Variants in HSP90AA1 observed in about 807,000 individuals in gnomAD.
The protein encoded by HSP90AA1 is heat shock protein 90 alpha family class A member 1.
Under a neutral mutation model 73.3 loss-of-function variants are expected in HSP90AA1, and 18 were observed. That is an observed-to-expected ratio of 0.25 (90% CI 0.17 to 0.36). The LOEUF (loss-of-function observed/expected upper bound fraction) is 0.36. HSP90AA1 is among the 10% of genes least tolerant of loss of function. The probability of loss-of-function intolerance (pLI) is 1.00; values close to 1 mark genes in which losing one functional copy is unlikely to be tolerated. For missense variants in HSP90AA1, 704 were observed against 874.2 expected (o/e 0.81, Z 2.45); for synonymous variants, 477 against 296.9 (o/e 1.61, Z -6.24).
At chr14:102,085,251 A>G (rs773019168) in intron 4 of HSP90AA1, 47 bp downstream of exon 4, 3 of 1,587,852 alleles carry the variant, frequency 1.9e-6, no homozygotes, top group South Asian at 1.1e-5. Context: ...CAGTCACCCC[A>G]ATCACCTACA....
rs370066587 is a variant in HSP90AA1, at chr14:102,083,515, C to T, written c.1486+31G>A. ...AGAGCCTACAAGATTGTAAGAACGA[C>T]GTGTATGACTGTAACATAGTGTTCT... On this transcript the variant is annotated intron_variant, in intron 8 of 10. Coordinates refer to ENST00000216281, the MANE Select transcript of HSP90AA1 (RefSeq NM_005348.4). 2.6e-4 allele frequency: 422 copies of T among 1,605,538 alleles called. 1 individual carries two copies. Among genetic ancestry groups the T allele is most frequent in the Middle Eastern group, 2.1e-3 (12 of 5,652 alleles).
chr14:102,095,075 G>T (rs536422034), intron 2 of HSP90AA1, among the ~76,000 whole-genome samples: 2 of 152,188 alleles, frequency 1.3e-5, no homozygotes, highest in East Asian at 3.9e-4. Context: ...TGTCACCTTT[G>T]TTGGACCACA....
chr14:102,102,881 A>G (rs1313227078), intron 1 of HSP90AA1, among the ~76,000 whole-genome samples: 1 of 152,000 alleles, frequency 6.6e-6, no homozygotes, highest in African/African-American at 2.4e-5. Context: ...AAGAAACAAA[A>G]TAAAAAGAAG....
chr14:102,113,726 T>C (rs1335175042), intron 1 of HSP90AA1, among the ~76,000 whole-genome samples: 1 of 152,046 alleles, frequency 6.6e-6, no homozygotes, highest in Non-Finnish European at 1.5e-5. Flanking sequence ...ATTTGTTTAT[T>C]TTGAGACGGA....
chr14:102,113,333 G>T (rs1219728685), intron 1 of HSP90AA1, among the ~76,000 whole-genome samples: 1 of 148,416 alleles, frequency 6.7e-6, no homozygotes, highest in Non-Finnish European at 1.5e-5. Context: ...TTGCTTGCTT[G>T]CTTGCTTTCT....
chr14:102,130,420 A>T (rs2049894678), intron 1 of HSP90AA1, among the ~76,000 whole-genome samples: 1 of 152,182 alleles, frequency 6.6e-6, no homozygotes, highest in South Asian at 2.1e-4. Flanking sequence ...ATGGGGGTTT[A>T]AATTTCTCCA....
chr14:102,104,887 T>C (rs1191587832), intron 1 of HSP90AA1, among the ~76,000 whole-genome samples: 1 of 151,974 alleles, frequency 6.6e-6, no homozygotes, highest in East Asian at 1.9e-4. Context: ...CATCTATCCA[T>C]GTTGCCGCAA....
At chr14:102,112,928 A>C (rs982038023) in intron 1 of HSP90AA1, among the ~76,000 whole-genome samples, 6 of 152,178 alleles carry the variant, frequency 3.9e-5, no homozygotes, top group Non-Finnish European at 7.3e-5. Context: ...TAAACTACTA[A>C]TATTAGCACT....
intron 2 of HSP90AA1, among the ~76,000 whole-genome samples, chr14:102,100,920 CATGGCGGGACGGGCTCTA>C (rs1270609864): frequency 6.6e-6 from 1 of 152,196 alleles, no homozygotes; most frequent in Non-Finnish European, 1.5e-5. Flanking sequence ...TAAACTCTGA[CATGGCGGGACGGGCTCTA>C]ATGAAATTCC....
chr14:102,084,091 A>G (rs1399337924), intron 6 of HSP90AA1, 108 bp from the exon 7 acceptor site: 1 of 905,844 alleles, frequency 1.1e-6, no homozygotes, highest in East Asian at 2.6e-5. Flanking sequence ...CGTATTTTTG[A>G]GACAGTCTCA....
At chr14:102,086,455 A>G in intron 1 of HSP90AA1, 77 bp from the exon 2 acceptor site, 2 of 1,504,888 alleles carry the variant, frequency 1.3e-6, no homozygotes, top group South Asian at 1.1e-5. Context: ...GCGTTCTCCA[A>G]ATATTTTTAA....
chr14:102,129,975 T>TG (rs780187778), intron 1 of HSP90AA1, among the ~76,000 whole-genome samples: 42 of 149,264 alleles, frequency 2.8e-4, no homozygotes, highest in Admixed American at 1.9e-3. Flanking sequence ...TTTTTTTTTG[T>TG]TTTGTTTTGT....
In HSP90AA1 at chr14:102,081,609, C is replaced by T. The variant is rs1366707721; in HGVS notation, c.*103G>A. 2.7e-6 allele frequency: 2 copies of T among 740,610 alleles called. No individual in the cohort carries two copies. Among genetic ancestry groups the T allele is most frequent in the African/African-American group, 1.7e-5 (1 of 57,256 alleles). 45.9% of individuals were successfully genotyped at this position (740,610 alleles called of 1,614,324 possible). On this transcript the variant is annotated 3_prime_UTR_variant, in exon 11 of 11. Coordinates refer to ENST00000216281, the MANE Select transcript of HSP90AA1 (RefSeq NM_005348.4). ...CCCTTAAAGTAGTTGTCATGCCATA[C>T]AGACTTTTTAATATTAACAAAAATA...
intron 1 of HSP90AA1, among the ~76,000 whole-genome samples, chr14:102,111,432 G>A (rs980158778): frequency 7.9e-5 from 12 of 152,214 alleles, no homozygotes; most frequent in Non-Finnish European, 1.2e-4. Context: ...GAGCCTGCAG[G>A]TGCATGGAAG....
At position 102,087,011 on chromosome 14, in the gene HSP90AA1, A is replaced by C. The variant is rs1595660699; in HGVS notation, c.-26T>G. 1 of 984,944 alleles carries C rather than the reference A, an allele frequency of 1.0e-6. No individual in the cohort carries two copies. The highest frequency in any genetic ancestry group is 1.2e-6 in the Non-Finnish European group (1 of 830,086). 61.0% of individuals were successfully genotyped at this position (984,944 alleles called of 1,614,324 possible). On this transcript the variant is annotated 5_prime_UTR_variant, in exon 1 of 11. Transcript: ENST00000216281. ...CTTGGCTAAGTGACCGCACAGGACCAACGGCACAGCCACACCGGGACGCTG... is the reference window on the plus strand; with the variant it reads ...CTTGGCTAAGTGACCGCACAGGACCCACGGCACAGCCACACCGGGACGCTG...
rs550254805 is a variant in HSP90AA1 at position 102,122,811 on chromosome 14, G to GCA, written c.155+16438_155+16439insTG. Reference sequence around the variant, plus strand: ...GCCTCCCGAGTAGCTGGGATTACAGGTGCCTGCCACCATGCCCAGCTGATT... The same window carrying GCA: ...GCCTCCCGAGTAGCTGGGATTACAGGCATGCCTGCCACCATGCCCAGCTGATT... On this transcript the variant is annotated intron_variant, in intron 1 of 11. Coordinates refer to the HSP90AA1 transcript ENST00000334701. Among the ~76,000 whole-genome samples the GCA allele has an allele frequency of 3.1e-3, 478 of 151,804 alleles. 3 individuals are homozygous for GCA. Among genetic ancestry groups the GCA allele is most frequent in the Middle Eastern group, 0.014 (4 of 292 alleles).
chr14:102,133,478 A>T (rs555531588), intron 1 of HSP90AA1, among the ~76,000 whole-genome samples: 1 of 129,574 alleles, frequency 7.7e-6, no homozygotes, highest in South Asian at 2.8e-4. Context: ...TGGGATTTAA[A>T]CTAGTTCTTT....
chr14:102,133,899 C>G (rs1251585462), intron 1 of HSP90AA1, among the ~76,000 whole-genome samples: 5 of 152,094 alleles, frequency 3.3e-5, no homozygotes, highest in Non-Finnish European at 7.4e-5. Context: ...TGCCTCATGC[C>G]TTGAATTTTG....
At chr14:102,087,253 C>G, upstream of HSP90AA1, 2 of 746,360 alleles carry the variant, frequency 2.7e-6, no homozygotes, top group South Asian at 6.0e-5. Flanking sequence ...CCCGGGCAAC[C>G]TTCCCTCAAT....
Sources: allele counts gnomAD v4.1 joint callset (sites outside exome capture counted in the v4.1 genomes callset), GRCh38; gene constraint gnomAD v4.1.1; transcripts MANE v1.5; gene names NCBI Gene and HGNC (gene_info 2026-07-23, HGNC 2026-07-21).